The following HAS3 variants were observed in gnomAD, a reference collection of about 807,000 sequenced individuals.
The protein encoded by HAS3 is hyaluronan synthase 3.
A neutral mutation model predicts 50.3 loss-of-function variants in HAS3; 27 were observed. The ratio of observed to expected loss-of-function variants is 0.54; its 90% CI spans 0.40 to 0.74. The LOEUF (loss-of-function observed/expected upper bound fraction) is 0.74, where lower values mean the gene tolerates loss of function less well. Ranked by LOEUF, HAS3 falls within the 30% of genes least tolerant of loss-of-function variation. HAS3 has a pLI of 0.00. For synonymous variants in HAS3, 339 were observed against 310.9 expected, an observed-to-expected ratio of 1.09 and a Z score of -0.95; for missense variants, 517 against 742.8, an observed-to-expected ratio of 0.70 and a Z score of 3.53.
chr16:69,096,484 A>T, the HAS3 span, among the ~76,000 whole-genome samples: 2 of 139,240 alleles, frequency 1.4e-5, no homozygotes, highest in South Asian at 2.5e-4. Flanking sequence ...TGCCGTGAGC[A>T]AAGATCACAC....
chr16:69,095,198 T>G, the HAS3 span, among the ~76,000 whole-genome samples: 7 of 152,210 alleles, frequency 4.6e-5, no homozygotes, highest in African/African-American at 1.7e-4. Flanking sequence ...TTGGCCAGGC[T>G]GGTCTTGAAC....
At position 69,107,517 on chromosome 16, in the gene HAS3, C is replaced by G. The variant is rs888040208; in HGVS notation, c.-1+1730C>G. ...GCCGCCTTTGCCAAGAGGCGAGGCT[C>G]GAGCGGGGATGAGAAGCGTGGCGAG... On this transcript the variant is annotated intron_variant, in intron 1 of 3. Transcript: ENST00000569188. The surrounding 1 kb of genome is among the most constrained non-coding windows in gnomAD (Gnocchi z 5.5). 10 of 984,132 alleles carry G rather than the reference C, an allele frequency of 1.0e-5. No individual in the cohort carries two copies. The African/African-American group carries it at 1.0e-4, about 10-fold the overall frequency. 61.0% of individuals were successfully genotyped at this position (984,132 alleles called of 1,614,324 possible). A position where few individuals can be genotyped will look rare whatever the true frequency, so the allele number is the denominator to read the frequency against.
Position 69,117,111 on chromosome 16 carries a change from G to T in HAS3, c.*1845G>T. On this transcript the variant is annotated 3_prime_UTR_variant, in exon 4 of 4. Coordinates refer to ENST00000569188, the MANE Select transcript of HAS3 (RefSeq NM_001199280.2). Reference sequence around the variant, plus strand: ...ACCCATGAAGGCTGGAAGGCAGCAGGCATTTGCTAAGGCAGCTGATCCAGG... The same window carrying T: ...ACCCATGAAGGCTGGAAGGCAGCAGTCATTTGCTAAGGCAGCTGATCCAGG... The T allele has an allele frequency of 1.0e-6, 1 of 985,812 alleles. No homozygotes were observed. The allele number at this position is 985,812 out of a possible 1,614,324, so 61.1% of individuals were successfully genotyped here. A position where few individuals can be genotyped will look rare whatever the true frequency, so the allele number is the denominator to read the frequency against.
chr16:69,115,032 G>A lies in HAS3; in HGVS notation c.1428G>A (p.Val476=). 1 of 1,614,162 alleles carries A rather than the reference G, an allele frequency of 6.2e-7. No individual in the cohort carries two copies. The highest frequency in any genetic ancestry group is 8.5e-7 in the Non-Finnish European group (1 of 1,180,018). ...CCTCTGGCCGAAAAACCATTGTGGT[G>A]AACTTCATTGGCCTCATTCCTGTGT... ...WGTSGRKTIV[V]NFIGLIPVSI... is the part of the protein sequence containing the mutation. Residue 476 remains valine, a synonymous_variant, in exon 4 of 4, where the codon GTG becomes GTA. Transcript: ENST00000569188.
the HAS3 span, among the ~76,000 whole-genome samples, chr16:69,090,237 A>G: frequency 6.6e-6 from 1 of 152,064 alleles, no homozygotes; most frequent in Admixed American, 6.5e-5. Flanking sequence ...CCACTGACAC[A>G]TGGTCGGCGC....
At chr16:69,100,719 G>A (rs936594183), upstream of HAS3, among the ~76,000 whole-genome samples, 2 of 152,256 alleles carry the variant, frequency 1.3e-5, no homozygotes. Context: ...GAGAGGTTAC[G>A]GGTGCAGGAT....
chr16:69,118,480 G>T (rs760160683), downstream of HAS3: 34 of 1,452,090 alleles, frequency 2.3e-5, no homozygotes, highest in African/African-American at 5.6e-5. Flanking sequence ...CTCCAATGGT[G>T]AGCAGGGGAC....
the HAS3 span, chr16:69,084,354 A>G: frequency 2.6e-5 from 4 of 152,308 alleles, no homozygotes; most frequent in Non-Finnish European, 5.9e-5. Context: ...CTCCCAGGCC[A>G]TTCTTCTTCA....
the HAS3 span, among the ~76,000 whole-genome samples, chr16:69,098,515 C>T: frequency 1.3e-5 from 2 of 151,506 alleles, no homozygotes; most frequent in Non-Finnish European, 1.5e-5. Context: ...GTAGCTGGGA[C>T]GACATGCACA....
At chr16:69,091,561 G>A in the HAS3 span, among the ~76,000 whole-genome samples, 1 of 151,760 alleles carries the variant, frequency 6.6e-6, no homozygotes, top group Non-Finnish European at 1.5e-5. Flanking sequence ...TGAAATGCAA[G>A]TTCAGTCTCA....
chr16:69,112,974 G>A (rs1209450900), intron 2 of HAS3, among the ~76,000 whole-genome samples: 1 of 152,206 alleles, frequency 6.6e-6, no homozygotes, highest in African/African-American at 2.4e-5. Flanking sequence ...AGGTAGTCTG[G>A]TAACCACCAG....
At chr16:69,104,859 T>G (rs973661379), upstream of HAS3, among the ~76,000 whole-genome samples, 9 of 152,258 alleles carry the variant, frequency 5.9e-5, no homozygotes, top group African/African-American at 9.6e-5. Context: ...GGCAAGTCCC[T>G]GAGCCCCTAA....
In HAS3 at chr16:69,109,501, A is replaced by C; in HGVS notation, c.106A>C (p.Ile36Leu). The C allele has an allele frequency of 1.2e-6, 2 of 1,614,042 alleles. No individual in the cohort carries two copies. Among genetic ancestry groups the C allele is most frequent in the Admixed American group, 1.7e-5 (1 of 60,034 alleles). The stretch of plus-strand genomic sequence containing the variant: ...AGCCTATGTGACGGGCTACCAGTTC[A>C]TCCACACGGAAAAGCACTACCTGTC... ...LAAYVTGYQF[I>L]HTEKHYLSFG... is the part of the protein sequence containing the mutation. Residue 36 changes from isoleucine to leucine, a missense_variant, in exon 2 of 4, where the codon ATC (isoleucine) becomes CTC (leucine). Transcript: ENST00000569188. The surrounding 1 kb of genome is among the most constrained non-coding windows in gnomAD (Gnocchi z 5.3).
At chr16:69,083,764 A>G in the HAS3 span, 1 of 1,330,272 alleles carries the variant, frequency 7.5e-7, no homozygotes, top group East Asian at 2.5e-5. Flanking sequence ...TGCTGGCAGC[A>G]TGGCTGACCC....
Position 69,115,851 on chromosome 16 carries a change from T to G in HAS3, c.*585T>G. 3.0e-6 allele frequency: 3 copies of G among 985,804 alleles called. No individual in the cohort carries two copies. Among genetic ancestry groups the G allele is most frequent in the Non-Finnish European group, 3.6e-6 (3 of 829,942 alleles). 61.1% of individuals were successfully genotyped at this position (985,804 alleles called of 1,614,324 possible). ...TGGTGCTTTATGTGAGATACCCCAC[T>G]CCACATCAACATTCCAGGGATGAGC... On this transcript the variant is annotated 3_prime_UTR_variant, in exon 4 of 4. Coordinates refer to ENST00000569188, the MANE Select transcript of HAS3 (RefSeq NM_001199280.2).
Position 69,116,347 on chromosome 16 carries a change from G to C in HAS3, c.*1081G>C. The C allele has an allele frequency of 9.1e-6, 9 of 985,850 alleles. No individual in the cohort carries two copies. Among genetic ancestry groups the C allele is most frequent in the Non-Finnish European group, 1.1e-5 (9 of 829,930 alleles). The allele number at this position is 985,850 out of a possible 1,614,324, so 61.1% of individuals were successfully genotyped here. ...GCAAGCGTGTTCTCAGCACATATGGGAACTATGAGGAGCCTCTGATCAAAT... is the reference window on the plus strand; with the variant it reads ...GCAAGCGTGTTCTCAGCACATATGGCAACTATGAGGAGCCTCTGATCAAAT... On this transcript the variant is annotated 3_prime_UTR_variant, in exon 4 of 4. Transcript: ENST00000569188.
chr16:69,115,224 G>C lies in HAS3; in HGVS notation c.1620G>C (p.Gly540=), dbSNP rs1443022278. Residue 540 remains glycine, a synonymous_variant, in exon 4 of 4, where the codon GGG becomes GGC. Transcript: ENST00000569188. ...TGGCCATCATCGCCCGGCGATGTGG[G>C]AAGAAGCCGGAGCAGTACAGCTTGG... ...LYLAIIARRC[G]KKPEQYSLAF... is the part of the protein sequence containing the mutation. 6.5e-7 allele frequency: 1 copy of C among 1,544,008 alleles called. No individual in the cohort carries two copies. The highest frequency in any genetic ancestry group is 8.7e-7 in the Non-Finnish European group (1 of 1,146,448).
downstream of HAS3, chr16:69,118,294 A>G: frequency 9.2e-7 from 1 of 1,092,518 alleles, no homozygotes; most frequent in Non-Finnish European, 1.4e-6. Flanking sequence ...AGTCAAGCAG[A>G]AACTGCATTC....
In HAS3 at chr16:69,107,462, G is replaced by C. The variant is rs1276062583; in HGVS notation, c.-1+1675G>C. 1.0e-6 allele frequency: 1 copy of C among 985,514 alleles called. No homozygotes were observed. Among genetic ancestry groups the C allele is most frequent in the Admixed American group, 6.1e-5 (1 of 16,272 alleles). The allele number at this position is 985,514 out of a possible 1,614,324, so 61.0% of individuals were successfully genotyped here. A position where few individuals can be genotyped will look rare whatever the true frequency, so the allele number is the denominator to read the frequency against. On this transcript the variant is annotated intron_variant, in intron 1 of 3. Transcript: ENST00000569188. The surrounding 1 kb of genome is among the most constrained non-coding windows in gnomAD (Gnocchi z 5.5). ...TTTTCCGTTCCTTCCCGGTTGGGTC[G>C]TGGGAAAGCGGCACGTGGGTGTGGC...
Sources: allele counts gnomAD v4.1 joint callset (sites outside exome capture counted in the v4.1 genomes callset), GRCh38; gene constraint gnomAD v4.1.1; non-coding constraint Gnocchi (gnomAD v3.1); transcripts MANE v1.5; gene names NCBI Gene and HGNC (gene_info 2026-07-23, HGNC 2026-07-21).